Variants in IPMK observed in about 807,000 individuals in gnomAD.
IPMK encodes the protein inositol 1,3,4,6-tetrakisphosphate 5-kinase.
A neutral mutation model predicts 45.8 loss-of-function variants in IPMK; 17 were observed. That is an observed-to-expected ratio of 0.37 (90% CI 0.25 to 0.56). IPMK has a LOEUF of 0.56. Ranked by LOEUF, IPMK falls within the 20% of genes least tolerant of loss-of-function variation. The pLI is 0.79. For missense variants in IPMK, 399 were observed against 498.0 expected, an observed-to-expected ratio of 0.80 and a Z score of 1.89; for synonymous variants, 180 against 184.3, an observed-to-expected ratio of 0.98 and a Z score of 0.19.
intron 3 of IPMK, among the ~76,000 whole-genome samples, chr10:58,224,412 CA>C (rs1395281871): frequency 6.6e-6 from 1 of 152,078 alleles, no homozygotes; most frequent in Non-Finnish European, 1.5e-5. Flanking sequence ...ATGAAATGTT[CA>C]AAGATAATTG....
intron 4 of IPMK, among the ~76,000 whole-genome samples, chr10:58,210,935 T>A (rs1838149454): frequency 6.6e-6 from 1 of 152,220 alleles, no homozygotes; most frequent in African/African-American, 2.4e-5. Flanking sequence ...GTTCTGTCCA[T>A]CCACGTGGAA....
chr10:58,245,933 C>T (rs1481640961), intron 1 of IPMK, among the ~76,000 whole-genome samples: 2 of 141,000 alleles, frequency 1.4e-5, no homozygotes, highest in East Asian at 4.2e-4. Context: ...TCTCCGTAAG[C>T]TGATAAGCAA....
chr10:58,218,483 T>A (rs1838282440), intron 3 of IPMK, among the ~76,000 whole-genome samples: 1 of 152,212 alleles, frequency 6.6e-6, no homozygotes, highest in African/African-American at 2.4e-5. Flanking sequence ...TGCTCAATAA[T>A]TTCAGTAAAA....
intron 1 of IPMK, among the ~76,000 whole-genome samples, chr10:58,252,075 C>T (rs1285427974): frequency 1.3e-5 from 2 of 151,996 alleles, no homozygotes; most frequent in Non-Finnish European, 2.9e-5. Flanking sequence ...TACTGTCTTC[C>T]TTTGTAGTTA....
intron 1 of IPMK, among the ~76,000 whole-genome samples, chr10:58,264,548 G>A (rs1007671823): frequency 6.6e-6 from 1 of 152,102 alleles, no homozygotes; most frequent in Non-Finnish European, 1.5e-5. Context: ...AGAATTTTAT[G>A]CTAACTTTGG....
chr10:58,244,348 C>T lies in IPMK; in HGVS notation c.191-6534G>A, dbSNP rs562691067. The stretch of plus-strand genomic sequence containing the variant: ...CTGGGAAGTGAGGAGCGCCTCTGCC[C>T]GGCCGCCCCCTCTGGGAAGTGGGGG... On this transcript the variant is annotated intron_variant, in intron 1 of 5. Transcript: ENST00000373935. Among the ~76,000 whole-genome samples, 17 of 147,154 alleles carry T rather than the reference C, an allele frequency of 1.2e-4. No homozygotes were observed. In the South Asian group the frequency reaches 2.4e-3, roughly 21 times the overall value.
chr10:58,231,481 C>T (rs916055752), intron 2 of IPMK, among the ~76,000 whole-genome samples: 11 of 152,164 alleles, frequency 7.2e-5, no homozygotes, highest in African/African-American at 2.7e-4. Context: ...GCGGATCTCT[C>T]GGCAGAAACC....
At chr10:58,260,162 A>C (rs577601975) in intron 1 of IPMK, among the ~76,000 whole-genome samples, 2 of 152,342 alleles carry the variant, frequency 1.3e-5, no homozygotes, top group South Asian at 2.1e-4. Context: ...AAAAATGCAT[A>C]ATCTGAATAT....
chr10:58,200,329 G>C (rs1036751736), intron 4 of IPMK, among the ~76,000 whole-genome samples: 4 of 152,064 alleles, frequency 2.6e-5, no homozygotes, highest in Non-Finnish European at 4.4e-5. Context: ...ATGTTGGCCA[G>C]GCTGGTCTCA....
chr10:58,249,066 A>C (rs1171088587), intron 1 of IPMK, among the ~76,000 whole-genome samples: 1 of 152,254 alleles, frequency 6.6e-6, no homozygotes, highest in African/African-American at 2.4e-5. Context: ...ATGCTGGATC[A>C]TATGGTAGAT....
chr10:58,240,156 G>T (rs1838675573), intron 1 of IPMK, among the ~76,000 whole-genome samples: 1 of 151,850 alleles, frequency 6.6e-6, no homozygotes, highest in Non-Finnish European at 1.5e-5. Context: ...AGAAACAATA[G>T]AAAAAGATGA....
At chr10:58,198,510 T>C (rs2132141925) in intron 5 of IPMK, among the ~76,000 whole-genome samples, 1 of 152,358 alleles carries the variant, frequency 6.6e-6, no homozygotes, top group South Asian at 2.1e-4. Context: ...TGTTGTTGAT[T>C]AAGTACTCCA....
rs191837586 is a variant in IPMK, at chr10:58,245,418, C to T, written c.191-7604G>A. On this transcript the variant is annotated intron_variant, in intron 1 of 5. Coordinates refer to ENST00000373935, the MANE Select transcript of IPMK (RefSeq NM_152230.5). ...CACGAGGTCAGGAGTTCAAAACCATCCTGGCCATCATAGTGGAACCCCGTC... is the reference window on the plus strand; with the variant it reads ...CACGAGGTCAGGAGTTCAAAACCATTCTGGCCATCATAGTGGAACCCCGTC... Among the ~76,000 whole-genome samples the T allele has an allele frequency of 1.2e-3, 186 of 152,022 alleles. No homozygotes were observed. The Middle Eastern group carries it at 0.024, about 19-fold the overall frequency.
chr10:58,220,934 G>C (rs1838323572), intron 3 of IPMK, among the ~76,000 whole-genome samples: 1 of 152,104 alleles, frequency 6.6e-6, no homozygotes, highest in South Asian at 2.1e-4. Context: ...ATGAGTACAG[G>C]TCTAACTTTG....
intron 1 of IPMK, among the ~76,000 whole-genome samples, chr10:58,253,033 AC>A (rs1293660664): frequency 2.6e-5 from 4 of 152,166 alleles, no homozygotes; most frequent in African/African-American, 9.7e-5. Flanking sequence ...CCCAAATCTT[AC>A]CTTGAATTGT....
In IPMK at chr10:58,193,224, A is replaced by G. The variant is rs1837841584; in HGVS notation, c.*2852T>C. 1 of 151,962 alleles carries G rather than the reference A, an allele frequency of 6.6e-6. No homozygotes were observed. 9.4% of individuals were successfully genotyped at this position (151,962 alleles called of 1,614,324 possible). Reference sequence around the variant, plus strand: ...TTTGATACATAGACTTGATAGACATAAGAACATCATCTTGGAAATCATAAA... The same window carrying G: ...TTTGATACATAGACTTGATAGACATGAGAACATCATCTTGGAAATCATAAA... On this transcript the variant is annotated 3_prime_UTR_variant, in exon 6 of 6. Transcript: ENST00000373935.
chr10:58,206,168 A>T (rs902925546), intron 4 of IPMK, among the ~76,000 whole-genome samples: 3 of 152,190 alleles, frequency 2.0e-5, no homozygotes, highest in African/African-American at 7.2e-5. Flanking sequence ...CTTTAAAAAC[A>T]CGAAACTAAA....
intron 4 of IPMK, among the ~76,000 whole-genome samples, chr10:58,202,425 T>C (rs1588951324): frequency 6.6e-6 from 1 of 152,228 alleles, no homozygotes; most frequent in East Asian, 1.9e-4. Flanking sequence ...GGCAGGAGGA[T>C]TGCTTGAGGC....
intron 4 of IPMK, among the ~76,000 whole-genome samples, chr10:58,205,594 G>A (rs1838058984): frequency 6.6e-6 from 1 of 152,280 alleles, no homozygotes; most frequent in Non-Finnish European, 1.5e-5. Flanking sequence ...GCCACCATAT[G>A]TTCTCACTTA....
Sources: gnomAD v4.1 joint callset for allele counts (sites outside exome capture counted in the v4.1 genomes callset) on GRCh38, gnomAD v4.1.1 for gene constraint, MANE v1.5 for transcripts, NCBI Gene and HGNC (gene_info 2026-07-23, HGNC 2026-07-21) for gene names.